The following LYPLA1 variants were observed in gnomAD, a reference collection of about 807,000 sequenced individuals.
LYPLA1 encodes the protein acyl-protein thioesterase 1.
In LYPLA1, 17 loss-of-function variants were observed where a neutral mutation model predicts 34.0. The observed-to-expected ratio is 0.50, with a 90% CI of 0.34 to 0.75. The LOEUF is 0.75. Ranked by LOEUF, LYPLA1 falls within the 30% of genes least tolerant of loss-of-function variation. The pLI is 0.01. For missense variants in LYPLA1, 203 were observed against 288.8 expected (o/e 0.70, Z 2.15); for synonymous variants, 98 against 100.8 (o/e 0.97, Z 0.17).
At chr8:54,085,385 T>G (rs571222689) in intron 2 of LYPLA1, among the ~76,000 whole-genome samples, 1 of 152,258 alleles carries the variant, frequency 6.6e-6, no homozygotes, top group South Asian at 2.1e-4. Flanking sequence ...GTGCCGAGAT[T>G]GCAGCCTCTG....
At chr8:54,068,071 A>G (rs1291468590) in intron 2 of LYPLA1, among the ~76,000 whole-genome samples, 1 of 152,188 alleles carries the variant, frequency 6.6e-6, no homozygotes, top group Non-Finnish European at 1.5e-5. Context: ...AAGATTAGTA[A>G]CAACAGTATT....
At position 54,090,809 on chromosome 8, in the gene LYPLA1, T is replaced by C. The variant is rs748589333; in HGVS notation, c.101+10099A>G. Among the ~76,000 whole-genome samples the C allele has an allele frequency of 9.5e-4, 144 of 152,148 alleles. 1 individual carries two copies. Among genetic ancestry groups the C allele is most frequent in the Non-Finnish European group, 1.0e-3 (71 of 68,030 alleles). On this transcript the variant is annotated intron_variant, in intron 2 of 8. Transcript: ENST00000316963. ...CAAGGGTGGGACCAGGTAGAGATAA[T>C]TGAATCACAGGGGTGGTTTCCCCCA...
At chr8:54,086,078 A>G (rs1808738252) in intron 2 of LYPLA1, among the ~76,000 whole-genome samples, 1 of 152,186 alleles carries the variant, frequency 6.6e-6, no homozygotes, top group African/African-American at 2.4e-5. Flanking sequence ...TTTGTTCTGT[A>G]TTAAGAAAAA....
At chr8:54,098,274 C>T (rs1809842443) in intron 2 of LYPLA1, among the ~76,000 whole-genome samples, 1 of 151,790 alleles carries the variant, frequency 6.6e-6, no homozygotes, top group Non-Finnish European at 1.5e-5. Flanking sequence ...ACCCAGATGG[C>T]TACCAAGTGA....
At chr8:54,044,463 T>C (rs1563543093), downstream of LYPLA1, among the ~76,000 whole-genome samples, 1 of 151,972 alleles carries the variant, frequency 6.6e-6, no homozygotes, top group Non-Finnish European at 1.5e-5. Flanking sequence ...ACCTTGAAAA[T>C]CAAAATGCAC....
chr8:54,056,902 ACT>A (rs1031667243), intron 5 of LYPLA1, among the ~76,000 whole-genome samples: 1 of 152,004 alleles, frequency 6.6e-6, no homozygotes, highest in African/African-American at 2.4e-5. Context: ...AAAGAGCAAG[ACT>A]CTGTCTCAAA....
intron 1 of LYPLA1, chr8:54,101,269 C>G: frequency 4.6e-6 from 4 of 878,866 alleles, no homozygotes. Context: ...TAGAATTTTT[C>G]CACTGCAAAA....
intron 2 of LYPLA1, among the ~76,000 whole-genome samples, chr8:54,089,356 A>G (rs988174074): frequency 6.6e-6 from 1 of 150,986 alleles, no homozygotes. Flanking sequence ...TTATTACAGT[A>G]TGTTGTTATA....
intron 2 of LYPLA1, among the ~76,000 whole-genome samples, chr8:54,075,284 T>C (rs1242480314): frequency 1.3e-5 from 2 of 152,210 alleles, no homozygotes; most frequent in African/African-American, 4.8e-5. Flanking sequence ...AAAAAGTTAG[T>C]AAATAGGTAA....
At position 54,058,553 on chromosome 8, in the gene LYPLA1, CA is replaced by C. The variant is rs796398727; in HGVS notation, c.287-3421del. Among the ~76,000 whole-genome samples, 98 of 150,278 alleles carry C rather than the reference CA, an allele frequency of 6.5e-4. No homozygotes were observed. The East Asian group carries it at 0.011, about 17-fold the overall frequency. On this transcript the variant is annotated intron_variant, in intron 5 of 8. Coordinates refer to ENST00000316963, the MANE Select transcript of LYPLA1 (RefSeq NM_006330.4). ...AGCAAGACTCCATCTCAAAAACAAA[CA>C]AAAAAAAACCAGAATAAATCTCTTT... is the stretch of plus-strand genomic sequence containing the variant.
At chr8:54,101,368 T>C (rs1810133083) in intron 1 of LYPLA1, 1 of 1,052,186 alleles carries the variant, frequency 9.5e-7, no homozygotes, top group Admixed American at 5.6e-5. Flanking sequence ...ACACTCAATC[T>C]TCAAACTTCT....
chr8:54,078,580 A>G (rs1483724279), intron 2 of LYPLA1, among the ~76,000 whole-genome samples: 1 of 152,200 alleles, frequency 6.6e-6, no homozygotes, highest in Non-Finnish European at 1.5e-5. Context: ...AGGCGCATCT[A>G]TATTCAGCTA....
chr8:54,074,844 CT>C (rs1433100457), intron 2 of LYPLA1, among the ~76,000 whole-genome samples: 1 of 152,238 alleles, frequency 6.6e-6, no homozygotes, highest in Non-Finnish European at 1.5e-5. Context: ...CCTTTTCTCA[CT>C]TTGTCTGGGC....
downstream of LYPLA1, chr8:54,045,437 T>C (rs1470368060): frequency 6.6e-6 from 1 of 152,204 alleles, no homozygotes; most frequent in African/African-American, 2.4e-5. Flanking sequence ...AACAAAATTA[T>C]TTTTAAAAGG....
chr8:54,074,582 A>G (rs568343823), intron 2 of LYPLA1, among the ~76,000 whole-genome samples: 206 of 152,336 alleles, frequency 1.4e-3, no homozygotes, highest in Non-Finnish European at 2.4e-3. Flanking sequence ...TTGCTAATGC[A>G]ATTATTTAAT....
chr8:54,075,930 T>C (rs911967397), intron 2 of LYPLA1, among the ~76,000 whole-genome samples: 1 of 152,140 alleles, frequency 6.6e-6, no homozygotes, highest in Admixed American at 6.5e-5. Context: ...TATTGATTGG[T>C]CCCCTAAGGG....
At chr8:54,094,389 C>T (rs1809524992) in intron 2 of LYPLA1, among the ~76,000 whole-genome samples, 1 of 152,074 alleles carries the variant, frequency 6.6e-6, no homozygotes, top group Non-Finnish European at 1.5e-5. Flanking sequence ...GCTGGTGCAA[C>T]TGGAGGGGCA....
chr8:54,072,754 G>A (rs1224727912), intron 2 of LYPLA1, among the ~76,000 whole-genome samples: 7 of 151,840 alleles, frequency 4.6e-5, no homozygotes, highest in African/African-American at 9.7e-5. Flanking sequence ...GGAGGCGGGC[G>A]GATCACTTGA....
intron 2 of LYPLA1, among the ~76,000 whole-genome samples, chr8:54,080,480 G>A (rs1338219739): frequency 2.6e-5 from 4 of 152,176 alleles, no homozygotes; most frequent in African/African-American, 7.2e-5. Context: ...GGCTGGCCAA[G>A]GCAGATGACA....
Sources: allele counts gnomAD v4.1 joint callset (sites outside exome capture counted in the v4.1 genomes callset), GRCh38; gene constraint gnomAD v4.1.1; transcripts MANE v1.5; gene names NCBI Gene and HGNC (gene_info 2026-07-23, HGNC 2026-07-21).